TMBIM6: variants seen among roughly 807,000 people sequenced by gnomAD.
TMBIM6 encodes bax inhibitor 1.
Under a neutral mutation model 31.4 loss-of-function variants are expected in TMBIM6, and 13 were observed. The ratio of observed to expected loss-of-function variants is 0.41; its 90% CI spans 0.27 to 0.66. The LOEUF (loss-of-function observed/expected upper bound fraction) is 0.66, where lower values mean the gene tolerates loss of function less well. Ranked by LOEUF, TMBIM6 falls within the 30% of genes least tolerant of loss-of-function variation. The pLI, the probability that TMBIM6 is intolerant of heterozygous loss-of-function variation, is 0.28. For synonymous variants in TMBIM6, 85 were observed against 101.7 expected (o/e 0.84, Z 0.99); for missense variants, 275 against 289.5 (o/e 0.95, Z 0.36).
In TMBIM6 at chr12:49,748,962, C is replaced by G. The variant is rs111620548; in HGVS notation, c.-30-3502C>G. Among the ~76,000 whole-genome samples, 518 of 152,224 alleles carry G rather than the reference C, an allele frequency of 3.4e-3. 2 individuals are homozygous for G. The highest frequency in any genetic ancestry group is 0.011 in the African/African-American group (464 of 41,548). On this transcript the variant is annotated intron_variant, in intron 1 of 9. Transcript: ENST00000267115. ...TTAGCGAGTTACTTGGTTAATGGTA[C>G]TGAATATAATACTTCAAGCTCTTAA...
intron 3 of TMBIM6, among the ~76,000 whole-genome samples, chr12:49,755,410 C>G (rs1945570487): frequency 6.6e-6 from 1 of 152,160 alleles, no homozygotes; most frequent in Non-Finnish European, 1.5e-5. Flanking sequence ...ACTACGCAAG[C>G]CAGAAGAGCC....
Position 49,758,200 on chromosome 12 carries a change from C to CTGTG in TMBIM6, c.287-25_287-22dup, listed in dbSNP as rs146864343. 4.3e-5 allele frequency: 69 copies of CTGTG among 1,613,928 alleles called. No individual in the cohort carries two copies. In the African/African-American group the frequency reaches 8.5e-4, roughly 20 times the overall value. ...TCCTATTCAAGAATTGATCGTAATA[C>CTGTG]TGTGTTCTGGGTTTTCTGTTTTCTA... On this transcript the variant is annotated intron_variant, in intron 4 of 9. Transcript: ENST00000267115.
intron 7 of TMBIM6, chr12:49,759,006 T>G (rs1945662012): frequency 3.2e-6 from 2 of 627,174 alleles, no homozygotes; most frequent in African/African-American, 1.8e-5. Flanking sequence ...AGTGGCTGAT[T>G]GTTAAAATGA....
At chr12:49,749,094 T>C (rs1945447543) in intron 1 of TMBIM6, among the ~76,000 whole-genome samples, 2 of 152,224 alleles carry the variant, frequency 1.3e-5, no homozygotes, top group Non-Finnish European at 2.9e-5. Flanking sequence ...GCCATTGAAA[T>C]GTAGGTATCT....
chr12:49,742,025 C>A lies in TMBIM6; in HGVS notation c.-31+414C>A, dbSNP rs1945304098. 3 of 1,468,536 alleles carry A rather than the reference C, an allele frequency of 2.0e-6. No individual in the cohort carries two copies. In the Admixed American group the frequency reaches 6.4e-5, roughly 31 times the overall value. The allele number at this position is 1,468,536 out of a possible 1,614,324, so 91.0% of individuals were successfully genotyped here. Reference sequence around the variant, plus strand: ...CACGTCCTTCCGAGGTGAAGGAACGCGAAACTCCACCCATCCGATTGCTGT... The same window carrying A: ...CACGTCCTTCCGAGGTGAAGGAACGAGAAACTCCACCCATCCGATTGCTGT... On this transcript the variant is annotated intron_variant, in intron 1 of 9. Coordinates refer to ENST00000267115, the MANE Select transcript of TMBIM6 (RefSeq NM_003217.3).
intron 2 of TMBIM6, 96 bp downstream of exon 2, chr12:49,752,645 C>A: frequency 9.4e-7 from 1 of 1,060,364 alleles, no homozygotes; most frequent in Non-Finnish European, 1.4e-6. Context: ...TATAAGCTAA[C>A]AAATTAACTT....
At chr12:49,747,526 C>T (rs1408348400) in intron 1 of TMBIM6, among the ~76,000 whole-genome samples, 2 of 152,178 alleles carry the variant, frequency 1.3e-5, no homozygotes, top group African/African-American at 2.4e-5. Context: ...CCAGGTTGGT[C>T]TGGAACTCCT....
chr12:49,744,815 A>G (rs1176817039), intron 1 of TMBIM6, among the ~76,000 whole-genome samples: 1 of 152,154 alleles, frequency 6.6e-6, no homozygotes, highest in Non-Finnish European at 1.5e-5. Flanking sequence ...TGGGCTAAAT[A>G]TGGTGTTATT....
chr12:49,752,529 G>C lies in TMBIM6; in HGVS notation c.36G>C (p.Ala12=). The C allele has an allele frequency of 1.2e-6, 2 of 1,613,490 alleles. No individual in the cohort carries two copies. The highest frequency in any genetic ancestry group is 1.7e-6 in the Non-Finnish European group (2 of 1,179,876). The change falls in exon 2 of 10, where the codon GCG becomes GCC. Residue 12 remains alanine, a synonymous_variant. Coordinates refer to ENST00000267115, the MANE Select transcript of TMBIM6 (RefSeq NM_003217.3). The part of the protein sequence containing the change: ...NIFDRKINFD[A]LLKFSHITPS... ...TTGATCGAAAGATCAACTTTGATGC[G>C]CTTTTAAAATTTTCTCATATGTAAG...
At chr12:49,759,143 A>G (rs1008839499) in intron 7 of TMBIM6, 78 bp from the exon 8 acceptor site, 32 of 1,240,492 alleles carry the variant, frequency 2.6e-5, no homozygotes, top group Middle Eastern at 1.9e-4. Context: ...TCAAGTGACT[A>G]TGAGCCAGAA....
At chr12:49,759,540 C>T (rs1464333823) in intron 8 of TMBIM6, among the ~76,000 whole-genome samples, 2 of 152,122 alleles carry the variant, frequency 1.3e-5, no homozygotes, top group Non-Finnish European at 2.9e-5. Context: ...TGTGGTGGCT[C>T]ACACCTATAA....
intron 9 of TMBIM6, 92 bp downstream of exon 9, chr12:49,761,871 T>G (rs1340105415): frequency 3.2e-6 from 4 of 1,236,646 alleles, no homozygotes; most frequent in Middle Eastern, 1.8e-4. Flanking sequence ...GCTCACACAC[T>G]GTGTTAGGTC....
intron 7 of TMBIM6, 84 bp from the exon 8 acceptor site, chr12:49,759,137 G>T: frequency 8.6e-7 from 1 of 1,169,430 alleles, no homozygotes. Context: ...GTACTTTCAA[G>T]TGACTATGAG....
At chr12:49,756,021 G>C (rs1945585375) in intron 4 of TMBIM6, among the ~76,000 whole-genome samples, 1 of 151,906 alleles carries the variant, frequency 6.6e-6, no homozygotes, top group African/African-American at 2.4e-5. Context: ...TTTTAGTAGA[G>C]ACGGGGTTTC....
chr12:49,764,110 G>C lies in TMBIM6; in HGVS notation c.*1214G>C, dbSNP rs1446286642. The C allele has an allele frequency of 2.6e-5, 4 of 152,224 alleles. No individual in the cohort carries two copies. The highest frequency in any genetic ancestry group is 3.4e-3 in the Middle Eastern group (1 of 294). The allele number at this position is 152,224 out of a possible 1,614,324, so 9.4% of individuals were successfully genotyped here. On this transcript the variant is annotated 3_prime_UTR_variant, in exon 10 of 10. Coordinates refer to ENST00000267115, the MANE Select transcript of TMBIM6 (RefSeq NM_003217.3). ...GTGGCCTTTTAGGCGGGAGTTAGGCGACCAAACCAGTGAGAGCCCCAATCC... is the reference window on the plus strand; with the variant it reads ...GTGGCCTTTTAGGCGGGAGTTAGGCCACCAAACCAGTGAGAGCCCCAATCC...
chr12:49,752,058 A>G (rs995157355), intron 1 of TMBIM6, among the ~76,000 whole-genome samples: 9 of 152,142 alleles, frequency 5.9e-5, no homozygotes, highest in African/African-American at 2.2e-4. Flanking sequence ...GTGAGCCACT[A>G]TGCCCAGCCA....
At chr12:49,747,453 C>T (rs1195228969) in intron 1 of TMBIM6, among the ~76,000 whole-genome samples, 4 of 151,756 alleles carry the variant, frequency 2.6e-5, no homozygotes, top group African/African-American at 9.7e-5. Context: ...GGACAACAGG[C>T]GCACACCACC....
At chr12:49,748,079 T>C (rs1386808330) in intron 1 of TMBIM6, among the ~76,000 whole-genome samples, 1 of 152,108 alleles carries the variant, frequency 6.6e-6, no homozygotes, top group Non-Finnish European at 1.5e-5. Context: ...AATTTTTGTA[T>C]TTTTAGTAGA....
chr12:49,762,259 C>T (rs1379466540), intron 9 of TMBIM6: 1 of 162,020 alleles, frequency 6.2e-6, no homozygotes, highest in African/African-American at 2.4e-5. Context: ...TTAGAGATAG[C>T]ATAGTGGTAG....
Sources: gnomAD v4.1 joint callset for allele counts (sites outside exome capture counted in the v4.1 genomes callset) on GRCh38, gnomAD v4.1.1 for gene constraint, MANE v1.5 for transcripts, NCBI Gene and HGNC (gene_info 2026-07-23, HGNC 2026-07-21) for gene names.